ADAMTSL3: variants seen among roughly 807,000 people sequenced by gnomAD.
The protein encoded by ADAMTSL3 is ADAMTS-like protein 3.
ADAMTSL3 carries 128 observed loss-of-function variants against 201.7 expected under a neutral mutation model. That is an observed-to-expected ratio of 0.63 (90% CI 0.55 to 0.73). The LOEUF (loss-of-function observed/expected upper bound fraction) is 0.73, where lower values mean the gene tolerates loss of function less well. Among genes scored for constraint, ADAMTSL3 ranks in the 30% least tolerant of loss-of-function variants. The pLI, the probability that ADAMTSL3 is intolerant of heterozygous loss-of-function variation, is 0.00. For missense variants in ADAMTSL3, 1,990 were observed against 2,119.6 expected (o/e 0.94, Z 1.20); for synonymous variants, 738 against 748.4 (o/e 0.99, Z 0.23).
chr15:83,892,641 A>G, intron 12 of ADAMTSL3, 43 bp from the exon 13 acceptor site: 1 of 1,550,732 alleles, frequency 6.4e-7, no homozygotes, highest in Non-Finnish European at 8.7e-7. Context: ...AACTTCAAAC[A>G]AACAACAAAT....
intron 15 of ADAMTSL3, among the ~76,000 whole-genome samples, chr15:83,912,507 G>T (rs1189296630): frequency 6.6e-6 from 1 of 152,190 alleles, no homozygotes; most frequent in Non-Finnish European, 1.5e-5. Context: ...AGAATTAAAT[G>T]CTTTGTTCAG....
chr15:83,846,408 C>A (rs942438946), intron 7 of ADAMTSL3, among the ~76,000 whole-genome samples: 2 of 152,162 alleles, frequency 1.3e-5, no homozygotes, highest in African/African-American at 4.8e-5. Flanking sequence ...TGTGCTTAAC[C>A]ACCCTCCCAA....
At chr15:83,808,173 G>C (rs2063631976) in intron 5 of ADAMTSL3, among the ~76,000 whole-genome samples, 1 of 152,024 alleles carries the variant, frequency 6.6e-6, no homozygotes, top group South Asian at 2.1e-4. Flanking sequence ...TACATCGAAG[G>C]AAACAAGAGT....
At chr15:83,882,596 T>C (rs1181863507) in intron 9 of ADAMTSL3, among the ~76,000 whole-genome samples, 1 of 152,184 alleles carries the variant, frequency 6.6e-6, no homozygotes, top group Non-Finnish European at 1.5e-5. Context: ...TTCACAATCT[T>C]TTTGTGTCGG....
intron 15 of ADAMTSL3, among the ~76,000 whole-genome samples, chr15:83,901,629 C>T (rs10152119): frequency 0.63 from 95,401 of 152,038 alleles, 31,016 homozygotes; most frequent in African/African-American, 0.79. Context: ...AAAGTGTATA[C>T]GTATGTGTTT....
intron 3 of ADAMTSL3, among the ~76,000 whole-genome samples, chr15:83,705,807 C>G (rs774518223): frequency 1.7e-4 from 26 of 152,134 alleles, no homozygotes; most frequent in Non-Finnish European, 3.1e-4. Context: ...CTGTGACCCT[C>G]CAGACCGCTG....
At chr15:83,791,951 C>T (rs185275333) in intron 4 of ADAMTSL3, among the ~76,000 whole-genome samples, 2 of 152,076 alleles carry the variant, frequency 1.3e-5, no homozygotes, top group African/African-American at 4.8e-5. Context: ...AAGAAAAGCT[C>T]TATGACATTT....
chr15:83,960,286 A>G (rs999764769), intron 19 of ADAMTSL3, among the ~76,000 whole-genome samples: 1 of 152,242 alleles, frequency 6.6e-6, no homozygotes, highest in Non-Finnish European at 1.5e-5. Context: ...TGTGTCTTCA[A>G]TGAACAATGA....
rs367863752 is a variant in ADAMTSL3 at position 83,764,568 on chromosome 15, TCTGATTCTCAACCGAAGGC to T, written c.190-8952_190-8934del. 2.7e-3 allele frequency among the ~76,000 whole-genome samples: 405 copies of T among 152,200 alleles called. 9 individuals are homozygous for T. The East Asian group carries it at 0.065, about 24-fold the overall frequency. ...TCTCTCTTTGTGGGTTGCTGTGGGC[TCTGATTCTCAACCGAAGGC>T]CTTAGTTCCTCTCAGGCAGCCCTGT... On this transcript the variant is annotated intron_variant, in intron 3 of 29. Coordinates refer to ENST00000286744, the MANE Select transcript of ADAMTSL3 (RefSeq NM_207517.3).
intron 12 of ADAMTSL3, among the ~76,000 whole-genome samples, chr15:83,892,215 TA>T (rs796796879): frequency 2.3e-4 from 26 of 114,810 alleles, no homozygotes; most frequent in African/African-American, 4.7e-4. Flanking sequence ...GACTCCATCT[TA>T]AAAAAAAAAC....
chr15:83,891,835 G>A (rs1274903677), intron 12 of ADAMTSL3, among the ~76,000 whole-genome samples: 1 of 152,202 alleles, frequency 6.6e-6, no homozygotes, highest in Non-Finnish European at 1.5e-5. Flanking sequence ...AGGGTAAATA[G>A]GGAAGGTATA....
intron 7 of ADAMTSL3, among the ~76,000 whole-genome samples, chr15:83,856,719 T>C (rs1159763293): frequency 3.3e-5 from 5 of 152,200 alleles, no homozygotes; most frequent in Non-Finnish European, 5.9e-5. Context: ...CATAGACAGA[T>C]ACTTAGGTTG....
Position 84,022,274 on chromosome 15 carries a change from C to T in ADAMTSL3, c.4457+681C>T, listed in dbSNP as rs566015192. Among the ~76,000 whole-genome samples the T allele has an allele frequency of 7.2e-5, 11 of 152,242 alleles. No individual in the cohort carries two copies. The East Asian group carries it at 2.1e-3, about 29-fold the overall frequency. ...ACTCCAGGAGTCTTCTGGTTCTTAT[C>T]TCCCTCTCTGGAGTACTTTGTCCAC... On this transcript the variant is annotated intron_variant, in intron 26 of 29. Coordinates refer to ENST00000286744, the MANE Select transcript of ADAMTSL3 (RefSeq NM_207517.3).
Position 83,943,007 on chromosome 15 carries a change from A to G in ADAMTSL3, c.2415A>G (p.Gly805=). The G allele has an allele frequency of 4.3e-6, 7 of 1,614,026 alleles. No individual in the cohort carries two copies. The highest frequency in any genetic ancestry group is 1.7e-4 in the Middle Eastern group (1 of 6,060). ...FLNLSDELCQ[G]PKASSHKSCA... ...ATCTCTCAGATGAATTGTGCCAAGGACCCAAGGCATCGTCTCACAAGTCCT... is the reference window on the plus strand; with the variant it reads ...ATCTCTCAGATGAATTGTGCCAAGGGCCCAAGGCATCGTCTCACAAGTCCT... Residue 805 remains glycine, a synonymous_variant, in exon 19 of 30, where the codon GGA becomes GGG. Coordinates refer to ENST00000286744, the MANE Select transcript of ADAMTSL3 (RefSeq NM_207517.3).
intron 27 of ADAMTSL3, among the ~76,000 whole-genome samples, chr15:84,026,681 C>T (rs1386077991): frequency 6.6e-6 from 1 of 152,078 alleles, no homozygotes; most frequent in African/African-American, 2.4e-5. Flanking sequence ...GGTTGAGAAA[C>T]CATTCAATGG....
At chr15:83,848,393 G>A (rs893902233) in intron 7 of ADAMTSL3, among the ~76,000 whole-genome samples, 1 of 152,174 alleles carries the variant, frequency 6.6e-6, no homozygotes, top group African/African-American at 2.4e-5. Context: ...ATATTGTGTG[G>A]ACAATTTATT....
chr15:83,679,254 A>G (rs2141418090), intron 2 of ADAMTSL3, among the ~76,000 whole-genome samples: 1 of 152,234 alleles, frequency 6.6e-6, no homozygotes, highest in East Asian at 1.9e-4. Flanking sequence ...AGTGCTCATA[A>G]TTGCTCATAG....
At chr15:83,675,348 A>T (rs1419736758) in intron 2 of ADAMTSL3, among the ~76,000 whole-genome samples, 1 of 152,044 alleles carries the variant, frequency 6.6e-6, no homozygotes, top group Non-Finnish European at 1.5e-5. Context: ...AATTATGTGA[A>T]ATGCTCTTTT....
At chr15:83,865,202 A>G (rs1225837428) in intron 8 of ADAMTSL3, among the ~76,000 whole-genome samples, 1 of 152,226 alleles carries the variant, frequency 6.6e-6, no homozygotes, top group Non-Finnish European at 1.5e-5. Context: ...GGTAATTTAT[A>G]GATTCAACGC....
Sources: allele counts gnomAD v4.1 joint callset (sites outside exome capture counted in the v4.1 genomes callset), GRCh38; gene constraint gnomAD v4.1.1; transcripts MANE v1.5; gene names NCBI Gene and HGNC (gene_info 2026-07-23, HGNC 2026-07-21).